The following ATG14 variants were observed in gnomAD, a reference collection of about 807,000 sequenced individuals.
ATG14 encodes the protein beclin 1-associated autophagy-related key regulator.
ATG14 carries 35 observed loss-of-function variants against 60.4 expected under a neutral mutation model. That is an observed-to-expected ratio of 0.58 (90% CI 0.44 to 0.77). The LOEUF (loss-of-function observed/expected upper bound fraction) is 0.77, where lower values mean the gene tolerates loss of function less well. Ranked by LOEUF, ATG14 falls within the 30% of genes least tolerant of loss-of-function variation. The pLI, the probability that ATG14 is intolerant of heterozygous loss-of-function variation, is 0.00. For synonymous variants in ATG14, 234 were observed against 228.8 expected, an observed-to-expected ratio of 1.02 and a Z score of -0.21; for missense variants, 647 against 626.3, an observed-to-expected ratio of 1.03 and a Z score of -0.35.
chr14:55,397,719 A>T (rs1885335395), intron 1 of ATG14, among the ~76,000 whole-genome samples: 1 of 152,254 alleles, frequency 6.6e-6, no homozygotes, highest in Non-Finnish European at 1.5e-5. Context: ...GGCACATCAG[A>T]ACACTAAAGT....
chr14:55,407,293 G>C (rs755467899), intron 1 of ATG14, among the ~76,000 whole-genome samples: 7 of 152,136 alleles, frequency 4.6e-5, no homozygotes, highest in Non-Finnish European at 8.8e-5. Context: ...ACCACGCCCA[G>C]CTAATTTTTG....
chr14:55,379,827 A>G (rs1728360682), intron 7 of ATG14, among the ~76,000 whole-genome samples: 1 of 152,228 alleles, frequency 6.6e-6, no homozygotes, highest in African/African-American at 2.4e-5. Context: ...GATTCAAGCG[A>G]TTCTTCTGCC....
At position 55,377,877 on chromosome 14, in the gene ATG14, G is replaced by A. The variant is rs376657230; in HGVS notation, c.1114C>T (p.Leu372=). 6.8e-6 allele frequency: 11 copies of A among 1,607,188 alleles called. No individual in the cohort carries two copies. The highest frequency in any genetic ancestry group is 9.3e-6 in the Non-Finnish European group (11 of 1,177,796). The change falls in exon 9 of 10, where the codon CTG becomes TTG. Residue 372 remains leucine, a synonymous_variant. Coordinates refer to ENST00000247178, the MANE Select transcript of ATG14 (RefSeq NM_014924.5). ...TACATTAGATTCCTGAGGGTATGCA[G>A]TGGTTGTAATTGATCTAAATTTACA... The part of the protein sequence containing the change: ...QHVNLDQLQP[L]HTLRNLMYLV...
At chr14:55,400,950 A>C (rs1215033856) in intron 1 of ATG14, among the ~76,000 whole-genome samples, 1 of 149,702 alleles carries the variant, frequency 6.7e-6, no homozygotes, top group Non-Finnish European at 1.5e-5. Flanking sequence ...AAATAAAATA[A>C]AATAAAATAA....
At chr14:55,390,880 A>G (rs1211906651) in intron 4 of ATG14, 31 bp downstream of exon 4, 1 of 1,459,460 alleles carries the variant, frequency 6.9e-7, no homozygotes, top group African/African-American at 1.4e-5. Flanking sequence ...GGCACTTTCT[A>G]GGGCTGGAAG....
chr14:55,382,617 C>T (rs1885055305), intron 5 of ATG14, among the ~76,000 whole-genome samples: 1 of 152,138 alleles, frequency 6.6e-6, no homozygotes, highest in African/African-American at 2.4e-5. Context: ...AGCCAAAGTG[C>T]AAATATTTCA....
chr14:55,404,053 T>C (rs1885451991), intron 1 of ATG14, among the ~76,000 whole-genome samples: 1 of 152,214 alleles, frequency 6.6e-6, no homozygotes. Context: ...AGGAGACCCA[T>C]GGAACTGACC....
chr14:55,393,118 A>G (rs913582271), intron 3 of ATG14, among the ~76,000 whole-genome samples: 1 of 152,204 alleles, frequency 6.6e-6, no homozygotes, highest in Non-Finnish European at 1.5e-5. Flanking sequence ...GCGGTGGCTC[A>G]CGCCTGTAAT....
chr14:55,404,347 C>A (rs1885455524), intron 1 of ATG14, among the ~76,000 whole-genome samples: 2 of 152,204 alleles, frequency 1.3e-5, no homozygotes, highest in African/African-American at 4.8e-5. Context: ...CTGCTCCCTT[C>A]TAAAAGAAAA....
Position 55,397,454 on chromosome 14 carries a change from T to C in ATG14, c.222-20A>G. On this transcript the variant is annotated intron_variant, in intron 1 of 9. Transcript: ENST00000247178. ...ATAAACCTGTAACAAAAAAATTCAA[T>C]GTCTTATTTAAATGGTCATTTTTTC... The C allele has an allele frequency of 6.3e-7, 1 of 1,594,860 alleles. No individual in the cohort carries two copies. The highest frequency in any genetic ancestry group is 8.6e-7 in the Non-Finnish European group (1 of 1,163,248).
At chr14:55,394,243 G>A (rs915168963) in intron 3 of ATG14, among the ~76,000 whole-genome samples, 2 of 151,818 alleles carry the variant, frequency 1.3e-5, no homozygotes, top group South Asian at 2.1e-4. Context: ...CTGACCTTGT[G>A]ATCCACTTGC....
chr14:55,391,594 G>A (rs1015905019), intron 3 of ATG14, among the ~76,000 whole-genome samples: 1 of 151,930 alleles, frequency 6.6e-6, no homozygotes, highest in Non-Finnish European at 1.5e-5. Flanking sequence ...TAGCTATATA[G>A]CTACTAGCCA....
At position 55,382,188 on chromosome 14, in the gene ATG14, G is replaced by A. The variant is rs1566579571; in HGVS notation, c.651C>T (p.Asp217=). The A allele has an allele frequency of 6.2e-6, 10 of 1,614,062 alleles. No homozygotes were observed. The highest frequency in any genetic ancestry group is 8.5e-6 in the Non-Finnish European group (10 of 1,179,940). Residue 217 remains aspartate, a synonymous_variant, in exon 6 of 10, where the codon GAC becomes GAT. Transcript: ENST00000247178. ...CACTCTCTGAAGACACATCTGCGGG[G>A]TCTCTACAAGTAGGAAGACACACAC... The part of the protein sequence containing the change: ...PIEEVKTGVR[D]PADVSSESDS...
chr14:55,379,095 C>G (rs1884979600), intron 7 of ATG14, among the ~76,000 whole-genome samples: 2 of 152,144 alleles, frequency 1.3e-5, no homozygotes, highest in Admixed American at 6.5e-5. Flanking sequence ...GCTGGGCCCT[C>G]CATGAAAATG....
At chr14:55,396,852 C>CA (rs1885321984) in intron 2 of ATG14, among the ~76,000 whole-genome samples, 2 of 151,858 alleles carry the variant, frequency 1.3e-5, no homozygotes, top group Non-Finnish European at 2.9e-5. Flanking sequence ...CATTCCCCCC[C>CA]ACAAAAAAAA....
chr14:55,411,429 C>A (rs749042124), intron 1 of ATG14, among the ~76,000 whole-genome samples, 173 bp downstream of exon 1: 1 of 152,236 alleles, frequency 6.6e-6, no homozygotes, highest in African/African-American at 2.4e-5. Context: ...CTGGCCCCTA[C>A]GCTGTCCTCT....
At chr14:55,371,560 A>G (rs1884816922) in intron 9 of ATG14, among the ~76,000 whole-genome samples, 1 of 151,634 alleles carries the variant, frequency 6.6e-6, no homozygotes, top group Non-Finnish European at 1.5e-5. Flanking sequence ...TAATCCCAGC[A>G]CTTTGGGAGG....
chr14:55,382,275 T>C (rs1885049622), intron 5 of ATG14, 84 bp from the exon 6 acceptor site: 2 of 1,222,476 alleles, frequency 1.6e-6, no homozygotes, highest in Admixed American at 2.0e-5. Context: ...TGCTAGAACA[T>C]CGAAAAGCTG....
intron 4 of ATG14, among the ~76,000 whole-genome samples, chr14:55,386,601 A>T (rs1431299496): frequency 6.6e-6 from 1 of 152,246 alleles, no homozygotes; most frequent in Non-Finnish European, 1.5e-5. Flanking sequence ...GAAAAGTCAC[A>T]GTGGAGTGTG....
Sources: gnomAD v4.1 joint callset for allele counts (sites outside exome capture counted in the v4.1 genomes callset) on GRCh38, gnomAD v4.1.1 for gene constraint, MANE v1.5 for transcripts, NCBI Gene and HGNC (gene_info 2026-07-23, HGNC 2026-07-21) for gene names.